IL1RAPL1: variants seen among roughly 807,000 people sequenced by gnomAD.
IL1RAPL1 encodes interleukin-1 receptor accessory protein-like 1.
A neutral mutation model predicts 48.4 loss-of-function variants in IL1RAPL1; 3 were observed. That is an observed-to-expected ratio of 0.06 (90% CI 0.03 to 0.16). The LOEUF (loss-of-function observed/expected upper bound fraction) is 0.16. IL1RAPL1 is among the 10% of genes least tolerant of loss of function. IL1RAPL1 has a pLI of 1.00. For missense variants in IL1RAPL1, 349 were observed against 530.6 expected, an observed-to-expected ratio of 0.66 and a Z score of 3.36; for synonymous variants, 185 against 187.7, an observed-to-expected ratio of 0.99 and a Z score of 0.12.
At chrX:28,664,726 C>A (rs1046735801) in intron 1 of IL1RAPL1, among the ~76,000 whole-genome samples, 1 of 111,696 alleles carries the variant, frequency 9.0e-6, no homozygotes, top group African/African-American at 3.3e-5. Context: ...CACCTCTAAG[C>A]TACACTCTAC....
intron 6 of IL1RAPL1, among the ~76,000 whole-genome samples, chrX:29,769,647 T>C (rs1356596458): frequency 1.7e-4 from 15 of 86,448 alleles, no homozygotes; most frequent in Non-Finnish European, 8.9e-5. Flanking sequence ...GATGGAGCCT[T>C]GCTCTGTCAT....
At chrX:29,535,938 C>A (rs1406945823) in intron 5 of IL1RAPL1, among the ~76,000 whole-genome samples, 1 of 111,844 alleles carries the variant, frequency 8.9e-6, no homozygotes, top group African/African-American at 3.2e-5. Flanking sequence ...GTACTGCAGT[C>A]CTTCTGGAAC....
intron 5 of IL1RAPL1, among the ~76,000 whole-genome samples, chrX:29,546,316 G>T (rs1002197029): frequency 5.4e-5 from 6 of 111,294 alleles, no homozygotes; most frequent in African/African-American, 2.0e-4. Context: ...TTCTATTGGG[G>T]TTATTAATTC....
At chrX:29,278,928 G>C (rs1253078477) in intron 2 of IL1RAPL1, among the ~76,000 whole-genome samples, 1 of 112,289 alleles carries the variant, frequency 8.9e-6, no homozygotes, top group East Asian at 2.8e-4. Flanking sequence ...GATACATACT[G>C]ACGTATTTGG....
At chrX:29,800,423 C>T (rs955082911) in intron 6 of IL1RAPL1, among the ~76,000 whole-genome samples, 4 of 110,127 alleles carry the variant, frequency 3.6e-5, no homozygotes, top group Non-Finnish European at 7.6e-5. Context: ...TACCATATGA[C>T]TTCCTTCAAC....
chrX:28,749,847 C>T (rs959601748), intron 1 of IL1RAPL1, among the ~76,000 whole-genome samples: 9 of 109,267 alleles, frequency 8.2e-5, no homozygotes, highest in Admixed American at 3.0e-4. Context: ...AATCATTTCC[C>T]CTATGTTTTC....
rs1484548974 is a variant in IL1RAPL1, at chrX:29,580,116, G to A, written c.704-88314G>A. On this transcript the variant is annotated intron_variant, in intron 5 of 10. Coordinates refer to ENST00000378993, the MANE Select transcript of IL1RAPL1 (RefSeq NM_014271.4). The stretch of plus-strand genomic sequence containing the variant: ...AGCAAGATGGTCTCTCCTTTTTACT[G>A]GTATTTTCCCTCAGAAAGTCTTTTT... 3.8e-5 allele frequency among the ~76,000 whole-genome samples: 4 copies of A among 106,292 alleles called. No homozygotes were observed. The Admixed American group carries it at 4.0e-4, about 11-fold the overall frequency. 92.3% of individuals were successfully genotyped at this position (106,292 alleles called of 115,157 possible). A position where few individuals can be genotyped will look rare whatever the true frequency, so the allele number is the denominator to read the frequency against.
At chrX:29,169,543 C>G (rs1216861188) in intron 2 of IL1RAPL1, among the ~76,000 whole-genome samples, 1 of 110,609 alleles carries the variant, frequency 9.0e-6, no homozygotes, top group Admixed American at 9.8e-5. Context: ...ATATAAAAAT[C>G]TTCAGTGACT....
intron 6 of IL1RAPL1, among the ~76,000 whole-genome samples, chrX:29,669,749 T>A (rs1365703166): frequency 9.0e-6 from 1 of 111,638 alleles, no homozygotes; most frequent in Non-Finnish European, 1.9e-5. Flanking sequence ...AGTATTATAA[T>A]TGCTGTTATT....
intron 2 of IL1RAPL1, among the ~76,000 whole-genome samples, chrX:29,227,174 A>G (rs1488970419): frequency 9.0e-6 from 1 of 110,853 alleles, no homozygotes; most frequent in Non-Finnish European, 1.9e-5. Flanking sequence ...ATGAACCCAA[A>G]AAATGAGCTT....
intron 5 of IL1RAPL1, among the ~76,000 whole-genome samples, chrX:29,416,759 A>T (rs1371163802): frequency 3.6e-5 from 4 of 111,499 alleles, no homozygotes; most frequent in African/African-American, 1.3e-4. Context: ...TTCCTGGAAA[A>T]AACAAACAAA....
chrX:28,978,490 T>C (rs1925257869), intron 2 of IL1RAPL1, among the ~76,000 whole-genome samples: 1 of 111,856 alleles, frequency 8.9e-6, no homozygotes, highest in Admixed American at 9.5e-5. Flanking sequence ...CAGAGAGCAT[T>C]TAAAAATTCC....
intron 1 of IL1RAPL1, among the ~76,000 whole-genome samples, chrX:28,628,703 A>G (rs1463563937): frequency 8.9e-6 from 1 of 112,256 alleles, no homozygotes; most frequent in Non-Finnish European, 1.9e-5. Context: ...CAAATGCATG[A>G]AACTGCACTA....
At chrX:28,718,249 A>T (rs1601871370) in intron 1 of IL1RAPL1, among the ~76,000 whole-genome samples, 1 of 111,005 alleles carries the variant, frequency 9.0e-6, no homozygotes, top group South Asian at 3.8e-4. Flanking sequence ...TTAGAAAAAA[A>T]CTCTCTGATG....
intron 6 of IL1RAPL1, among the ~76,000 whole-genome samples, chrX:29,795,848 G>T (rs1445593709): frequency 8.8e-6 from 1 of 113,069 alleles, no homozygotes; most frequent in Non-Finnish European, 1.9e-5. Flanking sequence ...CAAATTAAGT[G>T]TCTGCCTCTG....
intron 1 of IL1RAPL1, among the ~76,000 whole-genome samples, chrX:28,700,177 CT>C (rs963157164): frequency 9.0e-6 from 1 of 110,625 alleles, no homozygotes; most frequent in Non-Finnish European, 1.9e-5. Context: ...TATGGGAGGA[CT>C]TTTTTTTGAA....
At chrX:29,791,420 TTTTTATC>T (rs1321414372) in intron 6 of IL1RAPL1, among the ~76,000 whole-genome samples, 1 of 107,258 alleles carries the variant, frequency 9.3e-6, no homozygotes, top group African/African-American at 3.6e-5. Context: ...CTTTTTTTTC[TTTTTATC>T]TTTTTTTTTT....
At chrX:29,798,843 C>T (rs1378555338) in intron 6 of IL1RAPL1, among the ~76,000 whole-genome samples, 4 of 112,015 alleles carry the variant, frequency 3.6e-5, no homozygotes, top group Admixed American at 9.4e-5. Context: ...CTTAATTAAA[C>T]AAAGAATGAT....
intron 1 of IL1RAPL1, among the ~76,000 whole-genome samples, chrX:28,684,763 A>G (rs1413168465): frequency 1.8e-5 from 2 of 111,663 alleles, no homozygotes; most frequent in African/African-American, 3.3e-5. Context: ...AGTACCTTGC[A>G]TTTCATAGGG....
Sources: gnomAD v4.1 joint callset for allele counts (sites outside exome capture counted in the v4.1 genomes callset) on GRCh38, gnomAD v4.1.1 for gene constraint, MANE v1.5 for transcripts, NCBI Gene and HGNC (gene_info 2026-07-23, HGNC 2026-07-21) for gene names.